The following GRIP2 variants were observed in gnomAD, a reference collection of about 807,000 sequenced individuals.
The protein encoded by GRIP2 is glutamate receptor-interacting protein 2.
Under a neutral mutation model 108.3 loss-of-function variants are expected in GRIP2, and 58 were observed. The observed-to-expected ratio is 0.54, with a 90% CI of 0.43 to 0.67. GRIP2 has a LOEUF of 0.67. Among genes scored for constraint, GRIP2 ranks in the 30% least tolerant of loss-of-function variants. The probability of loss-of-function intolerance (pLI) is 0.00; values close to 1 mark genes in which losing one functional copy is unlikely to be tolerated. For synonymous variants in GRIP2, 586 were observed against 598.2 expected, an observed-to-expected ratio of 0.98 and a Z score of 0.30; for missense variants, 1,278 against 1,430.6, an observed-to-expected ratio of 0.89 and a Z score of 1.72.
chr3:14,494,144 G>A (rs1254169952), intron 23 of GRIP2, among the ~76,000 whole-genome samples: 1 of 152,248 alleles, frequency 6.6e-6, no homozygotes, highest in East Asian at 1.9e-4. Context: ...TGTGTGATGT[G>A]ACATTGTCTT....
At chr3:14,598,309 G>A in the GRIP2 span, among the ~76,000 whole-genome samples, 2 of 149,692 alleles carry the variant, frequency 1.3e-5, no homozygotes, top group East Asian at 2.0e-4. Flanking sequence ...CTAGGTAACC[G>A]GCATAGGGAC....
intron 1 of GRIP2, among the ~76,000 whole-genome samples, chr3:14,530,249 T>C (rs925305701): frequency 6.6e-6 from 1 of 152,220 alleles, no homozygotes; most frequent in African/African-American, 2.4e-5. Context: ...AGTACCAACT[T>C]GGGAAAGTAC....
At position 14,512,551 on chromosome 3, in the gene GRIP2, G is replaced by A. The variant is rs886270787; in HGVS notation, c.1720+226C>T. On this transcript the variant is annotated intron_variant, in intron 14 of 23. Transcript: ENST00000621039. The surrounding 1 kb of genome is among the most constrained non-coding windows in gnomAD (Gnocchi z 5.1). Reference sequence around the variant, plus strand: ...CCCCCTGGGAGACCCACGAGGCCAGGGGACTGCCATGGTGCAGAACGGGAA... The same window carrying A: ...CCCCCTGGGAGACCCACGAGGCCAGAGGACTGCCATGGTGCAGAACGGGAA... Among the ~76,000 whole-genome samples, 14 of 152,264 alleles carry A rather than the reference G, an allele frequency of 9.2e-5. No homozygotes were observed. The highest frequency in any genetic ancestry group is 3.4e-4 in the African/African-American group (14 of 41,552).
At chr3:14,573,433 G>A in the GRIP2 span, 27 of 1,437,110 alleles carry the variant, frequency 1.9e-5, no homozygotes, top group Non-Finnish European at 2.6e-5. Context: ...CTGGTGTGCA[G>A]GAAGAGGGAC....
rs2124923864 is a variant in GRIP2, at chr3:14,522,621, G to A, written c.566+379C>T. 5.0e-6 allele frequency: 1 copy of A among 200,844 alleles called. No homozygotes were observed. Among genetic ancestry groups the A allele is most frequent in the Middle Eastern group, 2.1e-3 (1 of 478 alleles). 12.4% of individuals were successfully genotyped at this position (200,844 alleles called of 1,614,324 possible). On this transcript the variant is annotated intron_variant, in intron 6 of 23. Transcript: ENST00000621039. The surrounding 1 kb of genome is among the most constrained non-coding windows in gnomAD (Gnocchi z 4.3). ...GCTGGGTCGATCAGCCAGGACCCAG[G>A]AGACTGAGTCACAGACGGCTACAGC...
rs748413713 is a variant in GRIP2 at position 14,503,556 on chromosome 3, G to A, written c.2679+10C>T. ...TGCCCCATGCAGGCCTGCAGGGCAG[G>A]CAGCCATACCTCCAGTTCCCTCAGC... On this transcript the variant is annotated intron_variant, in intron 21 of 23. Transcript: ENST00000621039. The A allele has an allele frequency of 1.3e-6, 2 of 1,599,102 alleles. No homozygotes were observed. Among genetic ancestry groups the A allele is most frequent in the South Asian group, 1.1e-5 (1 of 88,904 alleles).
At chr3:14,595,691 G>A in the GRIP2 span, among the ~76,000 whole-genome samples, 2 of 152,204 alleles carry the variant, frequency 1.3e-5, no homozygotes, top group Non-Finnish European at 2.9e-5. Flanking sequence ...AGAGCAAGTG[G>A]GATGGAGATG....
chr3:14,594,241 T>C, the GRIP2 span, among the ~76,000 whole-genome samples: 3 of 152,182 alleles, frequency 2.0e-5, no homozygotes, highest in Admixed American at 6.5e-5. Context: ...CAGCAAACAA[T>C]TGTCTCTTTC....
intron 21 of GRIP2, among the ~76,000 whole-genome samples, chr3:14,503,140 G>C (rs1693811279): frequency 6.6e-6 from 1 of 152,116 alleles, no homozygotes; most frequent in African/African-American, 2.4e-5. Context: ...GCTTCTACAG[G>C]GCATGCCGAC....
chr3:14,497,847 GA>G (rs1693656353), intron 21 of GRIP2, among the ~76,000 whole-genome samples: 1 of 152,162 alleles, frequency 6.6e-6, no homozygotes, highest in African/African-American at 2.4e-5. Context: ...CTCAGGAAGT[GA>G]GGGCTGAGCA....
At chr3:14,577,878 G>T in the GRIP2 span, among the ~76,000 whole-genome samples, 1 of 152,180 alleles carries the variant, frequency 6.6e-6, no homozygotes, top group Admixed American at 6.5e-5. Context: ...CACCTCAATG[G>T]GCTGGCTAAG....
chr3:14,582,211 G>A, the GRIP2 span, among the ~76,000 whole-genome samples: 1 of 152,192 alleles, frequency 6.6e-6, no homozygotes, highest in Non-Finnish European at 1.5e-5. Flanking sequence ...AGCCCTCCTG[G>A]CAGGTATCCC....
chr3:14,584,910 G>A, the GRIP2 span, among the ~76,000 whole-genome samples: 511 of 152,334 alleles, frequency 3.4e-3, 5 homozygotes, highest in African/African-American at 0.011. Context: ...AGAATCTGAT[G>A]CAATTGCTGT....
At chr3:14,562,755 A>G in the GRIP2 span, among the ~76,000 whole-genome samples, 1 of 125,700 alleles carries the variant, frequency 8.0e-6, no homozygotes, top group Non-Finnish European at 1.7e-5. Context: ...CGGTCCTCGG[A>G]CTCCCGGACA....
chr3:14,543,067 G>C (rs1695002551), upstream of GRIP2, among the ~76,000 whole-genome samples: 1 of 152,188 alleles, frequency 6.6e-6, no homozygotes, highest in African/African-American at 2.4e-5. Flanking sequence ...ATGGGAAGGA[G>C]TTTGTCCACG....
At chr3:14,587,456 T>C in the GRIP2 span, among the ~76,000 whole-genome samples, 52 of 152,044 alleles carry the variant, frequency 3.4e-4, no homozygotes, top group Admixed American at 3.4e-3. Context: ...CATAGTGACA[T>C]AGTGAAACTC....
the GRIP2 span, chr3:14,573,894 G>A: frequency 8.3e-7 from 1 of 1,204,974 alleles, no homozygotes; most frequent in Admixed American, 1.8e-5. Flanking sequence ...CAGGCAGCCC[G>A]ACCTGTCGTT....
At chr3:14,506,671 G>A (rs1395007081) in intron 19 of GRIP2, 130 bp downstream of exon 19, 3 of 836,186 alleles carry the variant, frequency 3.6e-6, no homozygotes, top group East Asian at 5.9e-5. Flanking sequence ...CCTTCAGGAA[G>A]GGCCCCTAAA....
rs1407669104 is a variant in GRIP2 at position 14,512,233 on chromosome 3, G to T, written c.1720+544C>A. ...TGAGTTGGGGAGAGTCGGGAGATGA[G>T]GTCAGAGGTCATGGGGTCCAGAGCA... On this transcript the variant is annotated intron_variant, in intron 14 of 23. Transcript: ENST00000621039. The surrounding 1 kb of genome is among the most constrained non-coding windows in gnomAD (Gnocchi z 5.1). Among the ~76,000 whole-genome samples, 1 of 152,130 alleles carries T rather than the reference G, an allele frequency of 6.6e-6. No homozygotes were observed. The highest frequency in any genetic ancestry group is 1.5e-5 in the Non-Finnish European group (1 of 68,022).
Sources: allele counts gnomAD v4.1 joint callset (sites outside exome capture counted in the v4.1 genomes callset), GRCh38; gene constraint gnomAD v4.1.1; non-coding constraint Gnocchi (gnomAD v3.1); transcripts MANE v1.5; gene names NCBI Gene and HGNC (gene_info 2026-07-23, HGNC 2026-07-21).